Variants in BMPR1A observed in about 807,000 individuals in gnomAD.
BMPR1A encodes the protein bone morphogenetic protein receptor type 1A.
A neutral mutation model predicts 66.0 loss-of-function variants in BMPR1A; 7 were observed. That is an observed-to-expected ratio of 0.11 (90% CI 0.06 to 0.20). The LOEUF is 0.20. BMPR1A is among the 10% of genes least tolerant of loss of function. The pLI is 1.00. For synonymous variants in BMPR1A, 200 were observed against 229.7 expected, an observed-to-expected ratio of 0.87 and a Z score of 1.17; for missense variants, 408 against 669.1, an observed-to-expected ratio of 0.61 and a Z score of 4.31.
In BMPR1A at chr10:86,799,499, TTCC is replaced by T. The variant is rs752240508; in HGVS notation, c.-267-39364_-267-39362del. Among the ~76,000 whole-genome samples, 34 of 102,340 alleles carry T rather than the reference TTCC, an allele frequency of 3.3e-4. 1 individual carries two copies. In the East Asian group the frequency reaches 8.4e-3, roughly 25 times the overall value. The allele number at this position is 102,340 out of a possible 152,430, so 67.1% of individuals were successfully genotyped here. On this transcript the variant is annotated intron_variant, in intron 1 of 12. Transcript: ENST00000372037. ...CTTCCTTCCTTCCTTCCTTCCTTCC[TTCC>T]TTCCTTTCTTTTCTTTTCTTTTCTT...
At chr10:86,903,150 G>C (rs968278666) in intron 7 of BMPR1A, among the ~76,000 whole-genome samples, 1 of 152,012 alleles carries the variant, frequency 6.6e-6, no homozygotes, top group African/African-American at 2.4e-5. Context: ...CACAATATCT[G>C]CCATCCAATA....
intron 5 of BMPR1A, among the ~76,000 whole-genome samples, chr10:86,892,880 A>T (rs903248172): frequency 1.3e-5 from 2 of 151,272 alleles, no homozygotes; most frequent in African/African-American, 2.4e-5. Context: ...AAAAAAAAAA[A>T]ATTCTTTTTT....
intron 3 of BMPR1A, among the ~76,000 whole-genome samples, chr10:86,878,455 C>CT (rs1564711256): frequency 6.6e-6 from 1 of 152,132 alleles, no homozygotes; most frequent in Admixed American, 6.5e-5. Context: ...TATGTAGTCC[C>CT]TTTTTTGGAT....
At chr10:86,928,512 C>T (rs1843778477), downstream of BMPR1A, 1 of 152,016 alleles carries the variant, frequency 6.6e-6, no homozygotes, top group Non-Finnish European at 1.5e-5. Context: ...GCATGAGCCA[C>T]CATGCCTGGC....
intron 1 of BMPR1A, among the ~76,000 whole-genome samples, chr10:86,802,491 G>C (rs1169913021): frequency 2.0e-5 from 3 of 152,144 alleles, no homozygotes; most frequent in African/African-American, 7.2e-5. Flanking sequence ...AGGAAAGGGA[G>C]AAGAAACTAA....
At chr10:86,770,447 G>A (rs983102618) in intron 1 of BMPR1A, among the ~76,000 whole-genome samples, 5 of 152,196 alleles carry the variant, frequency 3.3e-5, no homozygotes, top group African/African-American at 1.2e-4. Context: ...AGGGTGAGCT[G>A]AAGCAGATCT....
At chr10:86,921,131 G>T (rs1843657393) in intron 10 of BMPR1A, among the ~76,000 whole-genome samples, 1 of 152,064 alleles carries the variant, frequency 6.6e-6, no homozygotes, top group Admixed American at 6.5e-5. Flanking sequence ...TGAGATTACA[G>T]GCATGAGCAA....
intron 1 of BMPR1A, among the ~76,000 whole-genome samples, chr10:86,772,350 T>C (rs1841278332): frequency 6.6e-6 from 1 of 152,022 alleles, no homozygotes; most frequent in South Asian, 2.1e-4. Context: ...CAGGATGGTC[T>C]CGATCTCCTG....
At chr10:86,853,422 TA>T (rs1360502764) in intron 2 of BMPR1A, among the ~76,000 whole-genome samples, 1 of 152,200 alleles carries the variant, frequency 6.6e-6, no homozygotes, top group African/African-American at 2.4e-5. Flanking sequence ...GAAAATTTAC[TA>T]GGGGCAAATT....
chr10:86,862,510 T>G (rs1394222897), intron 2 of BMPR1A, among the ~76,000 whole-genome samples: 1 of 152,152 alleles, frequency 6.6e-6, no homozygotes, highest in African/African-American at 2.4e-5. Flanking sequence ...TGCTTTCTCT[T>G]AGGATCACTC....
rs74153405 is a variant in BMPR1A, at chr10:86,772,823, T to G, written c.-268+15904T>G. ...AAACAAGTCTTTTTTCCCTCCTGAT[T>G]GCAAAAATAATGCTTACAGAACAAA... On this transcript the variant is annotated intron_variant, in intron 1 of 12. Transcript: ENST00000372037. Among the ~76,000 whole-genome samples the G allele has an allele frequency of 4.6e-5, 7 of 152,198 alleles. 1 individual carries two copies. The highest frequency in any genetic ancestry group is 6.8e-3 in the Middle Eastern group (2 of 294).
rs12263782 is a variant in BMPR1A at position 86,913,068 on chromosome 10, T to C, written c.675+684T>C. On this transcript the variant is annotated intron_variant, in intron 8 of 12. Transcript: ENST00000372037. ...ACTAGATATCCAGATAGGTTTAAGT[T>C]TTTAATTGTATTAGTTGAAAGAAAC... Among the ~76,000 whole-genome samples the C allele has an allele frequency of 2.3e-3, 347 of 152,182 alleles. 3 individuals carry two copies. Among genetic ancestry groups the C allele is most frequent in the African/African-American group, 7.5e-3 (310 of 41,524 alleles).
chr10:86,904,630 G>A (rs1374245811), intron 7 of BMPR1A, among the ~76,000 whole-genome samples: 2 of 152,274 alleles, frequency 1.3e-5, no homozygotes, highest in African/African-American at 2.4e-5. Flanking sequence ...GACAGGCCAG[G>A]TGAAGATAAG....
chr10:86,869,483 G>A (rs551482835), intron 2 of BMPR1A, among the ~76,000 whole-genome samples: 8 of 147,848 alleles, frequency 5.4e-5, no homozygotes, highest in Non-Finnish European at 8.9e-5. Context: ...AAGGCTGGAC[G>A]TTGTGGCTCA....
At chr10:86,931,617 T>C (rs1254029934), downstream of BMPR1A, 1 of 152,142 alleles carries the variant, frequency 6.6e-6, no homozygotes, top group East Asian at 1.9e-4. Flanking sequence ...CATGATCTTC[T>C]AGCATCCCTT....
chr10:86,818,055 G>A (rs1460665950), intron 1 of BMPR1A, among the ~76,000 whole-genome samples: 2 of 152,184 alleles, frequency 1.3e-5, no homozygotes, highest in Admixed American at 6.5e-5. Flanking sequence ...GTCTCACCGT[G>A]TTGCCCAGGC....
intron 3 of BMPR1A, among the ~76,000 whole-genome samples, chr10:86,882,058 G>A (rs956653510): frequency 2.6e-5 from 4 of 151,710 alleles, no homozygotes; most frequent in Non-Finnish European, 5.9e-5. Context: ...GGACATATCT[G>A]GTATTAGCTT....
chr10:86,930,138 T>A (rs559082950), downstream of BMPR1A: 1 of 152,304 alleles, frequency 6.6e-6, no homozygotes, highest in African/African-American at 2.4e-5. Context: ...GACTTAAATG[T>A]GTGAGTGCTG....
In BMPR1A at chr10:86,919,471, T is replaced by C. The variant is rs750011688; in HGVS notation, c.1166+2T>C. On this transcript the variant is annotated splice_donor_variant, in intron 10 of 12. Coordinates refer to ENST00000372037, the MANE Select transcript of BMPR1A (RefSeq NM_004329.3). LOFTEE classifies it high-confidence loss of function. ...GGGCCTTGCTGTTAAATTCAACAGG[T>C]GAGTGGTTCTTTGCCCCACTGTTTT... 6.2e-7 allele frequency: 1 copy of C among 1,613,444 alleles called. No homozygotes were observed. Among genetic ancestry groups the C allele is most frequent in the East Asian group, 2.2e-5 (1 of 44,884 alleles).
Sources: allele counts gnomAD v4.1 joint callset (sites outside exome capture counted in the v4.1 genomes callset), GRCh38; gene constraint gnomAD v4.1.1; transcripts MANE v1.5; gene names NCBI Gene and HGNC (gene_info 2026-07-23, HGNC 2026-07-21).